ERI2: variants seen among roughly 807,000 people sequenced by gnomAD.
ERI2 encodes ERI1 exoribonuclease family member 2, also known as ERI1 exoribonuclease 2.
Under a neutral mutation model 46.8 loss-of-function variants are expected in ERI2, and 35 were observed. The ratio of observed to expected loss-of-function variants is 0.75; its 90% CI spans 0.57 to 0.99. ERI2 has a LOEUF of 0.99. Ranked by LOEUF, ERI2 falls within the 50% of genes least tolerant of loss-of-function variation. The pLI, the probability that ERI2 is intolerant of heterozygous loss-of-function variation, is 0.00. For missense variants in ERI2, 695 were observed against 796.2 expected (o/e 0.87, Z 1.53); for synonymous variants, 224 against 271.0 (o/e 0.83, Z 1.70).
At chr16:20,796,004 A>G (rs2080714947), downstream of ERI2, 1 of 166,402 alleles carries the variant, frequency 6.0e-6, no homozygotes, top group South Asian at 1.9e-4. Context: ...ATGGAAATGG[A>G]TCAGAGCAAC....
At chr16:20,806,280 C>T in intron 1 of ERI2, 128 bp downstream of exon 1, 3 of 1,449,098 alleles carry the variant, frequency 2.1e-6, no homozygotes, top group Non-Finnish European at 2.7e-6. Context: ...GAGGGCAGGT[C>T]GCAGACGCCG....
At chr16:20,806,019 G>T in intron 1 of ERI2, 1 of 1,154,442 alleles carries the variant, frequency 8.7e-7, no homozygotes, top group Non-Finnish European at 1.1e-6. Flanking sequence ...CAGCACCGAG[G>T]AACGAGCATT....
intron 10 of ERI2, among the ~76,000 whole-genome samples, chr16:20,784,100 C>G (rs2080415772): frequency 6.6e-6 from 1 of 152,194 alleles, no homozygotes; most frequent in Admixed American, 6.5e-5. Context: ...GCCACCACAC[C>G]TGGCCTTTCC....
At chr16:20,781,047 A>G in intron 10 of ERI2, 1 of 1,614,182 alleles carries the variant, frequency 6.2e-7, no homozygotes, top group Non-Finnish European at 8.5e-7. Flanking sequence ...GTCTGCATGG[A>G]GTAGTGTTTT....
Position 20,790,654 on chromosome 16 carries a change from C to A in ERI2, c.815+196G>T, listed in dbSNP as rs764482495. ...GGAGATATTGGCATTCAAGTTCTAC[C>A]CAACCGACCATTTGGCCTTTTTACT... is the stretch of plus-strand genomic sequence containing the variant. On this transcript the variant is annotated intron_variant, in intron 9 of 10. Transcript: ENST00000300005. The surrounding 1 kb of genome is among the most constrained non-coding windows in gnomAD (Gnocchi z 4.0). 5.6e-6 allele frequency: 9 copies of A among 1,614,046 alleles called. No homozygotes were observed. Among genetic ancestry groups the A allele is most frequent in the Non-Finnish European group, 6.8e-6 (8 of 1,179,976 alleles).
rs1166843254 is a variant in ERI2 at position 20,796,957 on chromosome 16, A to G, written c.*767T>C. The G allele has an allele frequency of 1.2e-6, 2 of 1,612,670 alleles. No individual in the cohort carries two copies. Among genetic ancestry groups the G allele is most frequent in the Admixed American group, 3.3e-5 (2 of 59,784 alleles). ...AAAGAAATGAACTGAGGAAGAAAGA[A>G]TGGAAGACAATTTAAAGTTGTTTCA... On this transcript the variant is annotated 3_prime_UTR_variant, in exon 9 of 9. Coordinates refer to ENST00000357967, the MANE Select transcript of ERI2 (RefSeq NM_001142725.2).
In ERI2 at chr16:20,790,559, TTAAA is replaced by T; in HGVS notation, c.815+287_815+290del. 2 of 1,584,634 alleles carry T rather than the reference TTAAA, an allele frequency of 1.3e-6. No individual in the cohort carries two copies. Among genetic ancestry groups the T allele is most frequent in the Non-Finnish European group, 1.7e-6 (2 of 1,159,844 alleles). On this transcript the variant is annotated intron_variant, in intron 9 of 10. Transcript: ENST00000300005. The surrounding 1 kb of genome is among the most constrained non-coding windows in gnomAD (Gnocchi z 4.0). ...GCTGCGACATTAAACAAAAATTTCC[TTAAA>T]TAAATTGTTCTATTTTATCCTAGAT... is the stretch of plus-strand genomic sequence containing the variant.
chr16:20,780,631 TG>T, exon 11 of ERI2: 1 of 1,613,394 alleles, frequency 6.2e-7, no homozygotes, highest in Non-Finnish European at 8.5e-7. Context: ...GAGGTTCAAG[TG>T]GAGAGCTTCT....
downstream of ERI2, chr16:20,792,382 A>G (rs904156214): frequency 3.1e-6 from 5 of 1,604,598 alleles, no homozygotes; most frequent in Non-Finnish European, 4.3e-6. Flanking sequence ...TGGCAATTTA[A>G]CACATACTTA....
downstream of ERI2, chr16:20,792,620 C>A: frequency 3.0e-6 from 3 of 985,300 alleles, no homozygotes; most frequent in Non-Finnish European, 3.6e-6. Flanking sequence ...TGCCAGTAAC[C>A]CAGGCTCACG....
intron 1 of ERI2, chr16:20,806,052 C>G: frequency 8.3e-7 from 1 of 1,208,458 alleles, no homozygotes; most frequent in South Asian, 3.7e-5. Flanking sequence ...AACACCTTGA[C>G]AGATTCAGTG....
Position 20,790,729 on chromosome 16 carries a change from T to C in ERI2, c.815+121A>G, listed in dbSNP as rs1333142244. 10 of 1,613,958 alleles carry C rather than the reference T, an allele frequency of 6.2e-6. No homozygotes were observed. Among genetic ancestry groups the C allele is most frequent in the South Asian group, 2.2e-5 (2 of 91,072 alleles). On this transcript the variant is annotated intron_variant, in intron 9 of 10. Coordinates refer to the ERI2 transcript ENST00000300005. This position sits in a 1 kb window ranked among gnomAD's most constrained non-coding sequence, Gnocchi z 4.0. ...AATAATCTCATTTTCTATTTATTTC[T>C]CAAGTGCTTGGTAACAATCCCTGTT...
At chr16:20,792,203 A>C (rs776198590), downstream of ERI2, 1 of 1,613,934 alleles carries the variant, frequency 6.2e-7, no homozygotes, top group South Asian at 1.1e-5. Flanking sequence ...CCTGCCACTC[A>C]CCTGTATGTA....
At chr16:20,799,678 C>T in intron 7 of ERI2, 1 of 461,992 alleles carries the variant, frequency 2.2e-6, no homozygotes, top group Non-Finnish European at 3.8e-6. Context: ...TTCACTAGTC[C>T]ATTCTATTAT....
intron 5 of ERI2, chr16:20,800,720 A>G (rs1191040784): frequency 4.9e-6 from 1 of 203,308 alleles, no homozygotes; most frequent in Admixed American, 5.7e-5. Context: ...CAAACATTTT[A>G]TAGTAACTGG....
chr16:20,793,957 T>C (rs1018384198), downstream of ERI2, among the ~76,000 whole-genome samples: 3 of 152,014 alleles, frequency 2.0e-5, no homozygotes, highest in Admixed American at 1.3e-4. Context: ...TATAAGTGGG[T>C]TGTGGTCCCC....
chr16:20,785,041 C>G lies in ERI2; in HGVS notation c.895-4307G>C, dbSNP rs139667199. ...GTGCTGGGGAACCAATTACCCCTGA[C>G]GTGACTGAAAAATGGAGAAACAAGA... is the stretch of plus-strand genomic sequence containing the variant. On this transcript the variant is annotated intron_variant, in intron 10 of 10. Transcript: ENST00000300005. 104 of 1,613,554 alleles carry G rather than the reference C, an allele frequency of 6.4e-5. No homozygotes were observed. Among genetic ancestry groups the G allele is most frequent in the Non-Finnish European group, 7.6e-5 (90 of 1,179,772 alleles).
intron 10 of ERI2, chr16:20,784,862 C>A: frequency 9.6e-7 from 1 of 1,042,518 alleles, no homozygotes; most frequent in Admixed American, 2.8e-5. Context: ...TTGTTTTGTG[C>A]TAGGGAGAGG....
At chr16:20,782,809 C>G (rs2080382078) in intron 10 of ERI2, among the ~76,000 whole-genome samples, 1 of 152,154 alleles carries the variant, frequency 6.6e-6, no homozygotes, top group Non-Finnish European at 1.5e-5. Context: ...ACTTACATTT[C>G]CCAGCTTATT....
Sources: gnomAD v4.1 joint callset for allele counts (sites outside exome capture counted in the v4.1 genomes callset) on GRCh38, gnomAD v4.1.1 for gene constraint, Gnocchi (gnomAD v3.1) non-coding constraint, MANE v1.5 for transcripts, NCBI Gene and HGNC (gene_info 2026-07-23, HGNC 2026-07-21) for gene names.